Variants in ABAT observed in about 807,000 individuals in gnomAD.
ABAT encodes the protein 4-aminobutyrate aminotransferase.
A neutral mutation model predicts 64.6 loss-of-function variants in ABAT; 45 were observed. The ratio of observed to expected loss-of-function variants is 0.70; its 90% CI spans 0.55 to 0.89. ABAT has a LOEUF of 0.89. ABAT is among the 40% of genes least tolerant of loss of function. ABAT has a pLI of 0.00. For missense variants in ABAT, 633 were observed against 658.4 expected (o/e 0.96, Z 0.42); for synonymous variants, 297 against 250.5 (o/e 1.19, Z -1.75).
intron 1 of ABAT, among the ~76,000 whole-genome samples, chr16:8,728,720 A>C (rs947905911): frequency 6.6e-6 from 1 of 152,166 alleles, no homozygotes; most frequent in African/African-American, 2.4e-5. Flanking sequence ...CTAAAAATAC[A>C]CAAATTAGCC....
chr16:8,732,374 C>T (rs1392365539), intron 1 of ABAT, among the ~76,000 whole-genome samples: 12 of 150,692 alleles, frequency 8.0e-5, no homozygotes, highest in South Asian at 4.2e-4. Flanking sequence ...TGCGGCCTTC[C>T]GCAGTGTTTG....
chr16:8,779,368 T>C (rs2060364211), intron 14 of ABAT, 111 bp from the exon 15 acceptor site: 2 of 895,462 alleles, frequency 2.2e-6, no homozygotes, highest in East Asian at 2.6e-5. Context: ...TGCCAGTCCA[T>C]GCAGAGGCCG....
intron 5 of ABAT, among the ~76,000 whole-genome samples, chr16:8,753,109 T>TC (rs1266384350): frequency 6.6e-6 from 1 of 151,004 alleles, no homozygotes; most frequent in Non-Finnish European, 1.5e-5. Flanking sequence ...TTTTTTTTTT[T>TC]TTTAGACGGA....
At chr16:8,687,317 G>T (rs182504376) in intron 1 of ABAT, among the ~76,000 whole-genome samples, 1 of 152,132 alleles carries the variant, frequency 6.6e-6, no homozygotes, top group Non-Finnish European at 1.5e-5. Flanking sequence ...GAGGTCAGGA[G>T]ATGGAGACCA....
Position 8,776,313 on chromosome 16 carries a change from G to A in ABAT, c.1123-31G>A. On this transcript the variant is annotated intron_variant, in intron 13 of 15. Coordinates refer to ENST00000268251, the MANE Select transcript of ABAT (RefSeq NM_020686.6). The surrounding 1 kb of genome is among the most constrained non-coding windows in gnomAD (Gnocchi z 4.4). ...ACTCCTGCAGGGTGTGCATGTGTGT[G>A]AAGCCTTCCAACACCCGTTCCTCAT... 3.8e-5 allele frequency: 61 copies of A among 1,613,970 alleles called. No individual in the cohort carries two copies. Among genetic ancestry groups the A allele is most frequent in the Non-Finnish European group, 5.0e-5 (59 of 1,180,014 alleles).
rs1458204609 is a variant in ABAT, at chr16:8,746,008, A to G, written c.78A>G (p.Arg26=). The G allele has an allele frequency of 6.2e-7, 1 of 1,613,958 alleles. No homozygotes were observed. The highest frequency in any genetic ancestry group is 2.2e-5 in the East Asian group (1 of 44,848). ...TGTCTTTGTTTACTGCAGGATCCAG[A>G]CACATTAGTCAAGCTGCAGCCAAAG... The part of the protein sequence containing the change: ...HSYRLLVPGS[R]HISQAAAKVD... Residue 26 remains arginine (R), a synonymous_variant, in exon 3 of 16, where the codon AGA becomes AGG. Coordinates refer to ENST00000268251, the MANE Select transcript of ABAT (RefSeq NM_020686.6).
intron 1 of ABAT, among the ~76,000 whole-genome samples, chr16:8,703,706 A>T (rs1454472700): frequency 1.3e-5 from 2 of 152,206 alleles, no homozygotes; most frequent in East Asian, 3.9e-4. Context: ...AGTGAAATGG[A>T]TCACCAGTTT....
chr16:8,725,428 A>G (rs2058521861), intron 1 of ABAT, among the ~76,000 whole-genome samples: 1 of 152,020 alleles, frequency 6.6e-6, no homozygotes, highest in Non-Finnish European at 1.5e-5. Context: ...TTGTAGATTC[A>G]CCTACTCTTG....
intron 1 of ABAT, among the ~76,000 whole-genome samples, chr16:8,712,383 G>C (rs1288803669): frequency 1.3e-5 from 2 of 152,170 alleles, no homozygotes; most frequent in African/African-American, 4.8e-5. Context: ...AAGCACATGT[G>C]GTAATCATGT....
intron 1 of ABAT, chr16:8,715,526 T>C (rs1341896439): frequency 1.3e-5 from 2 of 149,976 alleles, no homozygotes; most frequent in African/African-American, 4.9e-5. Context: ...CTCAGGAGGC[T>C]GAGGCAAGAG....
chr16:8,772,302 G>GAA (rs1489061667), intron 11 of ABAT, among the ~76,000 whole-genome samples: 1 of 108,178 alleles, frequency 9.2e-6, no homozygotes, highest in Non-Finnish European at 2.0e-5. Context: ...GTGTGTGTGT[G>GAA]TGAATGCTCT....
chr16:8,701,209 TA>T (rs2142024013), intron 1 of ABAT, among the ~76,000 whole-genome samples: 1 of 152,336 alleles, frequency 6.6e-6, no homozygotes, highest in South Asian at 2.1e-4. Context: ...GCTTGGATTG[TA>T]GGCGTGAGCC....
intron 2 of ABAT, among the ~76,000 whole-genome samples, chr16:8,745,533 C>T (rs930540670): frequency 5.3e-5 from 8 of 151,782 alleles, no homozygotes; most frequent in African/African-American, 1.9e-4. Context: ...CCCGTCTCTA[C>T]TAAAAATACC....
chr16:8,711,422 G>A (rs2058067044), intron 1 of ABAT, among the ~76,000 whole-genome samples: 1 of 152,216 alleles, frequency 6.6e-6, no homozygotes, highest in Non-Finnish European at 1.5e-5. Context: ...TGGCGTGGTG[G>A]TGAAGGAAGA....
At chr16:8,701,076 TA>T (rs2057811863) in intron 1 of ABAT, among the ~76,000 whole-genome samples, 1 of 152,206 alleles carries the variant, frequency 6.6e-6, no homozygotes, top group South Asian at 2.1e-4. Flanking sequence ...TAGCTGGGAC[TA>T]CAGGCACACA....
intron 1 of ABAT, among the ~76,000 whole-genome samples, chr16:8,689,485 T>C (rs762052427): frequency 6.6e-6 from 1 of 152,208 alleles, no homozygotes; most frequent in Non-Finnish European, 1.5e-5. Flanking sequence ...TCCAGTACAG[T>C]GCCAGATGGT....
intron 1 of ABAT, chr16:8,713,853 A>AT (rs2067083492): frequency 2.2e-6 from 1 of 455,804 alleles, no homozygotes; most frequent in Non-Finnish European, 4.4e-6. Flanking sequence ...CAGGACTCCG[A>AT]CTACCAGGCA....
chr16:8,719,751 AAGAAGG>A (rs2058313060), intron 1 of ABAT, among the ~76,000 whole-genome samples: 1 of 151,798 alleles, frequency 6.6e-6, no homozygotes, highest in African/African-American at 2.4e-5. Flanking sequence ...AAGAAGAAGA[AAGAAGG>A]AGGAGGAGGA....
intron 11 of ABAT, 40 bp from the exon 12 acceptor site, chr16:8,772,740 G>T (rs1335014923): frequency 6.2e-7 from 1 of 1,613,748 alleles, no homozygotes; most frequent in Admixed American, 1.7e-5. Flanking sequence ...CTGGTCACAA[G>T]CCTCTGCCAT....
Sources: gnomAD v4.1 joint callset for allele counts (sites outside exome capture counted in the v4.1 genomes callset) on GRCh38, gnomAD v4.1.1 for gene constraint, Gnocchi (gnomAD v3.1) non-coding constraint, MANE v1.5 for transcripts, NCBI Gene and HGNC (gene_info 2026-07-23, HGNC 2026-07-21) for gene names.